Variants in FRY observed in about 807,000 individuals in gnomAD.
FRY encodes the protein FRY microtubule binding protein.
Under a neutral mutation model 348.4 loss-of-function variants are expected in FRY, and 128 were observed. The ratio of observed to expected loss-of-function variants is 0.37; its 90% CI spans 0.32 to 0.43. The LOEUF (loss-of-function observed/expected upper bound fraction) is 0.43, where lower values mean the gene tolerates loss of function less well. Ranked by LOEUF, FRY falls within the 20% of genes least tolerant of loss-of-function variation. The pLI is 1.00. For missense variants in FRY, 2,736 were observed against 3,695.2 expected (o/e 0.74, Z 6.73); for synonymous variants, 1,370 against 1,374.7 (o/e 1.00, Z 0.08).
intron 10 of FRY, among the ~76,000 whole-genome samples, chr13:32,135,720 C>T (rs542659249): frequency 2.0e-5 from 3 of 152,264 alleles, no homozygotes; most frequent in East Asian, 1.9e-4. Context: ...ACCTTTTACC[C>T]GCTATGGTGA....
intron 1 of FRY, among the ~76,000 whole-genome samples, chr13:32,071,377 C>T (rs1002595275): frequency 6.6e-6 from 1 of 152,166 alleles, no homozygotes; most frequent in Non-Finnish European, 1.5e-5. Context: ...TTTGTGTCCT[C>T]TTTTATTTCA....
At chr13:32,166,476 G>A (rs1457075618) in intron 17 of FRY, among the ~76,000 whole-genome samples, 2 of 152,202 alleles carry the variant, frequency 1.3e-5, no homozygotes, top group African/African-American at 2.4e-5. Flanking sequence ...TTCCTGAGTA[G>A]TCAGAATGGC....
chr13:32,142,151 A>T (rs1360011781), intron 11 of FRY, among the ~76,000 whole-genome samples: 1 of 152,206 alleles, frequency 6.6e-6, no homozygotes, highest in East Asian at 1.9e-4. Flanking sequence ...GAAGAAGAAG[A>T]AGTGCTGTCT....
chr13:32,032,499 A>C (rs1872291599), intron 1 of FRY, among the ~76,000 whole-genome samples: 1 of 152,214 alleles, frequency 6.6e-6, no homozygotes, highest in African/African-American at 2.4e-5. Context: ...TATAGTCCAA[A>C]TATTGTGCTT....
chr13:32,228,775 C>A lies in FRY; in HGVS notation c.5405+121C>A, dbSNP rs1885750645. 6.0e-6 allele frequency: 5 copies of A among 828,764 alleles called. No homozygotes were observed. The African/African-American group carries it at 8.4e-5, about 14-fold the overall frequency. 51.3% of individuals were successfully genotyped at this position (828,764 alleles called of 1,614,324 possible). ...GTTCTAACAAAGTCCTGTTTCTCTT[C>A]TCAATTGCAACTGCTGGAGTCTGTG... On this transcript the variant is annotated intron_variant, in intron 40 of 60. Coordinates refer to ENST00000542859, the MANE Select transcript of FRY (RefSeq NM_023037.3).
At position 32,098,230 on chromosome 13, in the gene FRY, C is replaced by T. The variant is rs552430517; in HGVS notation, c.271-3733C>T. On this transcript the variant is annotated intron_variant, in intron 2 of 60. Transcript: ENST00000542859. ...GTTTTTATGGGTAAACAAACATTTT[C>T]TGTTCAAAGTATACTATTTAGATAT... 2.0e-5 allele frequency among the ~76,000 whole-genome samples: 3 copies of T among 152,146 alleles called. No individual in the cohort carries two copies. In the South Asian group the frequency reaches 6.2e-4, roughly 32 times the overall value.
intron 31 of FRY, among the ~76,000 whole-genome samples, chr13:32,207,278 T>C (rs970384204): frequency 6.6e-6 from 1 of 152,206 alleles, no homozygotes; most frequent in African/African-American, 2.4e-5. Context: ...TCCAGATCCT[T>C]CTAGTGGAGT....
At chr13:32,186,148 A>G in intron 26 of FRY, 112 bp from the exon 27 acceptor site, 2 of 856,780 alleles carry the variant, frequency 2.3e-6, no homozygotes, top group South Asian at 2.8e-5. Flanking sequence ...GCCTAAAGAA[A>G]ACTGTAGTTA....
intron 28 of FRY, among the ~76,000 whole-genome samples, chr13:32,193,591 C>CTTTTTTT (rs71194514): frequency 4.6e-5 from 6 of 130,284 alleles, no homozygotes; most frequent in Non-Finnish European, 8.0e-5. Flanking sequence ...AGTCTTCGTC[C>CTTTTTTT]TTTTTTTTTT....
intron 51 of FRY, among the ~76,000 whole-genome samples, chr13:32,258,332 C>T (rs1361109749): frequency 6.6e-6 from 1 of 152,116 alleles, no homozygotes; most frequent in East Asian, 1.9e-4. Flanking sequence ...AAACTGAAAT[C>T]ACCGGGTACC....
At chr13:32,083,370 A>G (rs1008703074) in intron 2 of FRY, among the ~76,000 whole-genome samples, 1 of 152,108 alleles carries the variant, frequency 6.6e-6, no homozygotes, top group Non-Finnish European at 1.5e-5. Context: ...TATGTCTTCA[A>G]TCACCTTGAA....
rs1881425482 is a variant in FRY at position 32,161,214 on chromosome 13, G to T, written c.1855G>T (p.Gly619Trp). 1 of 1,612,918 alleles carries T rather than the reference G, an allele frequency of 6.2e-7. No individual in the cohort carries two copies. Residue 619 changes from glycine (G) to tryptophan (W), a missense_variant, in exon 17 of 61, where the codon GGG (glycine) becomes TGG (tryptophan). Physicochemically the swap from Gly to Trp is radical, Grantham distance 184. Around this residue, in one of 9 missense-constraint regions of FRY, gnomAD observed 191 missense variants for 370.2 expected, o/e 0.52. Coordinates refer to ENST00000542859, the MANE Select transcript of FRY (RefSeq NM_023037.3). Reference protein sequence around the residue: ...VAAIPRLLPDGMSKLELIDLL... With the variant: ...VAAIPRLLPDWMSKLELIDLL... ...TGCTATTCCTCGACTGCTTCCTGATGGGATGTCAAAACTTGAACTTATTGA... is the reference window on the plus strand; with the variant it reads ...TGCTATTCCTCGACTGCTTCCTGATTGGATGTCAAAACTTGAACTTATTGA...
intron 7 of FRY, among the ~76,000 whole-genome samples, chr13:32,125,714 C>T (rs1307579041): frequency 6.6e-6 from 1 of 152,178 alleles, no homozygotes; most frequent in Non-Finnish European, 1.5e-5. Context: ...ACTTAGCAAT[C>T]TTACCTGGCC....
At chr13:32,034,780 C>G (rs529026802) in intron 1 of FRY, among the ~76,000 whole-genome samples, 5 of 152,236 alleles carry the variant, frequency 3.3e-5, no homozygotes, top group African/African-American at 9.6e-5. Context: ...CGTTCATCCT[C>G]TCTCATGTTT....
intron 55 of FRY, among the ~76,000 whole-genome samples, chr13:32,270,987 A>G (rs1888176647): frequency 6.6e-6 from 1 of 152,194 alleles, no homozygotes; most frequent in Non-Finnish European, 1.5e-5. Context: ...CAAGACCGAC[A>G]GGTCAGCCAT....
At chr13:32,181,486 C>T (rs1205630713) in intron 23 of FRY, among the ~76,000 whole-genome samples, 1 of 141,130 alleles carries the variant, frequency 7.1e-6, no homozygotes, top group Non-Finnish European at 1.5e-5. Context: ...CCCAGCTACT[C>T]GGGAGGCTGA....
intron 51 of FRY, 54 bp downstream of exon 51, chr13:32,254,448 A>C: frequency 6.8e-7 from 1 of 1,466,254 alleles, no homozygotes; most frequent in South Asian, 1.1e-5. Context: ...TTGACTAATG[A>C]AACTATTCTT....
At chr13:32,079,104 T>C (rs1875305151) in intron 2 of FRY, 71 bp downstream of exon 2, 4 of 1,037,614 alleles carry the variant, frequency 3.9e-6, no homozygotes, top group South Asian at 1.3e-5. Context: ...ATTTAAACAC[T>C]ATAACAAAAG....
chr13:32,188,173 A>G (rs1299393746), intron 28 of FRY, among the ~76,000 whole-genome samples: 1 of 152,138 alleles, frequency 6.6e-6, no homozygotes, highest in Non-Finnish European at 1.5e-5. Flanking sequence ...TTAAAAGATA[A>G]AAATTTTAAA....
Sources: allele counts gnomAD v4.1 joint callset (sites outside exome capture counted in the v4.1 genomes callset), GRCh38; gene constraint gnomAD v4.1.1; regional missense constraint gnomAD v4.1.1; transcripts MANE v1.5; gene names NCBI Gene and HGNC (gene_info 2026-07-23, HGNC 2026-07-21).